MSH4: variants seen among roughly 807,000 people sequenced by gnomAD.
MSH4 encodes mutS protein homolog 4.
A neutral mutation model predicts 113.7 loss-of-function variants in MSH4; 106 were observed. The ratio of observed to expected loss-of-function variants is 0.93; its 90% CI spans 0.80 to 1.10. The LOEUF (loss-of-function observed/expected upper bound fraction) is 1.10. Among genes scored for constraint, MSH4 ranks in the 50% least tolerant of loss-of-function variants. The pLI is 0.00. For synonymous variants in MSH4, 368 were observed against 380.2 expected, an observed-to-expected ratio of 0.97 and a Z score of 0.37; for missense variants, 1,061 against 1,093.7, an observed-to-expected ratio of 0.97 and a Z score of 0.42.
chr1:75,880,550 C>T (rs538175109), intron 13 of MSH4, among the ~76,000 whole-genome samples: 26 of 152,108 alleles, frequency 1.7e-4, no homozygotes, highest in African/African-American at 6.0e-4. Flanking sequence ...AGTAGCAATA[C>T]AGCCAGAAAG....
intron 14 of MSH4, among the ~76,000 whole-genome samples, chr1:75,882,930 A>G (rs1651967503): frequency 6.6e-6 from 1 of 152,144 alleles, no homozygotes; most frequent in South Asian, 2.1e-4. Flanking sequence ...GTAAGTAAAT[A>G]TGCAACTCTG....
intron 15 of MSH4, among the ~76,000 whole-genome samples, chr1:75,885,041 G>A (rs1652035779): frequency 9.6e-6 from 1 of 104,666 alleles, no homozygotes; most frequent in Non-Finnish European, 1.9e-5. Context: ...GTGTGTGTGT[G>A]TGTGTGTGTG....
At chr1:75,841,259 G>A (rs534706466) in intron 7 of MSH4, among the ~76,000 whole-genome samples, 32 of 147,426 alleles carry the variant, frequency 2.2e-4, no homozygotes, top group African/African-American at 8.0e-4. Flanking sequence ...ATAGTGCAGT[G>A]GCACTATCAT....
At chr1:75,856,201 C>T (rs1651312501) in intron 8 of MSH4, among the ~76,000 whole-genome samples, 1 of 145,942 alleles carries the variant, frequency 6.9e-6, no homozygotes, top group Admixed American at 6.9e-5. Context: ...AATCTGGAAC[C>T]TTTTTTTCTG....
intron 17 of MSH4, among the ~76,000 whole-genome samples, chr1:75,891,846 T>C (rs1332742368): frequency 6.6e-6 from 1 of 152,222 alleles, no homozygotes; most frequent in Non-Finnish European, 1.5e-5. Context: ...ATATTAGTCT[T>C]TGTAATTTTG....
At position 75,797,130 on chromosome 1, in the gene MSH4, T is replaced by G; in HGVS notation, c.145T>G (p.Ser49Ala). The change falls in exon 1 of 20, where the codon TCT becomes GCT. Residue 49 changes from serine to alanine, a missense_variant. Transcript: ENST00000263187. ...GAGCCGCCCTTCGGTCCAGGTGGTC[T>G]CTGCATCCACCTGTCCTGGCACGTC... ...PQSRPSVQVV[S>A]ASTCPGTSGA... is the part of the protein sequence containing the mutation. The G allele has an allele frequency of 6.2e-7, 1 of 1,613,906 alleles. No homozygotes were observed. The highest frequency in any genetic ancestry group is 1.1e-5 in the South Asian group (1 of 91,072).
At chr1:75,891,060 A>T (rs1290737901) in intron 17 of MSH4, among the ~76,000 whole-genome samples, 1 of 152,192 alleles carries the variant, frequency 6.6e-6, no homozygotes, top group Non-Finnish European at 1.5e-5. Context: ...ATGCAAAATT[A>T]GTCAGTTGGC....
chr1:75,797,000 G>C lies in MSH4; in HGVS notation c.15G>C (p.Glu5Asp). 1 of 1,614,082 alleles carries C rather than the reference G, an allele frequency of 6.2e-7. No individual in the cohort carries two copies. The highest frequency in any genetic ancestry group is 1.3e-5 in the African/African-American group (1 of 75,058). The change falls in exon 1 of 20, where the codon GAG (glutamate) becomes GAC (aspartate). Residue 5 changes from glutamate to aspartate, a missense_variant. Physicochemically the swap from Glu to Asp is conservative, Grantham distance 45 (BLOSUM62 2). Transcript: ENST00000263187. The stretch of plus-strand genomic sequence containing the variant: ...GGTTTGGGAGGATGCTGAGGCCTGA[G>C]ATCTCATCAACCTCGCCTTCTGCCC... MLRP[E>D]ISSTSPSAPA...
chr1:75,841,921 A>T (rs1347173376), intron 7 of MSH4, among the ~76,000 whole-genome samples: 2 of 152,248 alleles, frequency 1.3e-5, no homozygotes, highest in African/African-American at 4.8e-5. Flanking sequence ...GAAAAGAGCC[A>T]AACTCTGTAA....
At chr1:75,853,560 G>A (rs1309358769) in intron 8 of MSH4, among the ~76,000 whole-genome samples, 1 of 152,106 alleles carries the variant, frequency 6.6e-6, no homozygotes, top group Non-Finnish European at 1.5e-5. Flanking sequence ...TAATTAATAA[G>A]TATTTTGTGG....
At chr1:75,885,448 T>C (rs1652055438) in intron 15 of MSH4, among the ~76,000 whole-genome samples, 1 of 84,102 alleles carries the variant, frequency 1.2e-5, no homozygotes, top group Non-Finnish European at 2.2e-5. Flanking sequence ...TATATACATA[T>C]ATATATATAT....
chr1:75,840,436 G>A (rs1042284057), intron 7 of MSH4, among the ~76,000 whole-genome samples: 5 of 144,944 alleles, frequency 3.4e-5, no homozygotes, highest in South Asian at 4.5e-4. Flanking sequence ...ACCAAACACT[G>A]CATATTCTCA....
intron 8 of MSH4, among the ~76,000 whole-genome samples, chr1:75,863,873 A>T (rs1371856559): frequency 1.3e-5 from 2 of 152,212 alleles, no homozygotes; most frequent in Non-Finnish European, 2.9e-5. Context: ...TATACAATAC[A>T]GAAAACTGTA....
intron 8 of MSH4, among the ~76,000 whole-genome samples, chr1:75,849,041 C>G (rs1651134785): frequency 1.3e-5 from 2 of 152,092 alleles, no homozygotes; most frequent in South Asian, 4.1e-4. Context: ...AAGTGATTCT[C>G]TTGCCTCAGC....
chr1:75,866,198 G>A (rs911579439), intron 8 of MSH4, among the ~76,000 whole-genome samples: 3 of 152,036 alleles, frequency 2.0e-5, no homozygotes, highest in African/African-American at 7.2e-5. Context: ...TTGAGACAGG[G>A]TTTCACTTTG....
intron 14 of MSH4, among the ~76,000 whole-genome samples, chr1:75,883,399 G>T (rs1377497597): frequency 1.3e-5 from 2 of 151,796 alleles, no homozygotes; most frequent in Non-Finnish European, 1.5e-5. Context: ...CTAAATTCTA[G>T]AGTTCTCTAG....
chr1:75,840,392 C>T (rs945246848), intron 7 of MSH4, among the ~76,000 whole-genome samples: 2 of 147,546 alleles, frequency 1.4e-5, no homozygotes, highest in African/African-American at 5.0e-5. Flanking sequence ...AATTGGAAAT[C>T]ATCATTCTCA....
chr1:75,815,738 G>A lies in MSH4; in HGVS notation c.815+602G>A, dbSNP rs947160691. Among the ~76,000 whole-genome samples the A allele has an allele frequency of 3.7e-4, 57 of 152,128 alleles. 1 individual carries two copies. Among genetic ancestry groups the A allele is most frequent in the African/African-American group, 1.3e-3 (52 of 41,490 alleles). ...GATCTGATTCTACCGTTAAAGTACC[G>A]GATTTTTCCAGGCTGGGCACAGTGA... On this transcript the variant is annotated intron_variant, in intron 5 of 19. Coordinates refer to ENST00000263187, the MANE Select transcript of MSH4 (RefSeq NM_002440.4).
intron 7 of MSH4, among the ~76,000 whole-genome samples, chr1:75,836,363 A>T (rs1650829469): frequency 7.2e-6 from 1 of 139,478 alleles, no homozygotes. Context: ...TGGTGGTGCG[A>T]TTTCAGCTCA....
Sources: gnomAD v4.1 joint callset for allele counts (sites outside exome capture counted in the v4.1 genomes callset) on GRCh38, gnomAD v4.1.1 for gene constraint, MANE v1.5 for transcripts, NCBI Gene and HGNC (gene_info 2026-07-23, HGNC 2026-07-21) for gene names.